ZNF777: variants seen among roughly 807,000 people sequenced by gnomAD.
ZNF777 encodes the protein zinc finger protein 777.
ZNF777 carries 7 observed loss-of-function variants against 72.1 expected under a neutral mutation model. The observed-to-expected ratio is 0.10, with a 90% CI of 0.06 to 0.18. ZNF777 has a LOEUF of 0.18. Among genes scored for constraint, ZNF777 ranks in the 10% least tolerant of loss-of-function variants. ZNF777 has a pLI of 1.00. For missense variants in ZNF777, 828 were observed against 1,128.6 expected (o/e 0.73, Z 3.82); for synonymous variants, 545 against 483.5 (o/e 1.13, Z -1.67).
chr7:149,455,402 C>G lies in ZNF777; in HGVS notation c.621G>C (p.Leu207=). The change falls in exon 2 of 6, where the codon CTG becomes CTC. Residue 207 remains leucine, a synonymous_variant. Transcript: ENST00000247930. This position sits in a 1 kb window ranked among gnomAD's most constrained non-coding sequence, Gnocchi z 4.2. ...RKLEAQAMRL[L]TLEGRTGTNE... The stretch of plus-strand genomic sequence containing the variant: ...TTGTCCCCGTCCTGCCTTCCAGGGT[C>G]AGTAGCCTCATGGCCTGGGCCTCCA... 2.5e-6 allele frequency: 4 copies of G among 1,614,226 alleles called. No individual in the cohort carries two copies. The highest frequency in any genetic ancestry group is 3.4e-6 in the Non-Finnish European group (4 of 1,180,050).
chr7:149,439,877 T>A (rs1038219659), intron 4 of ZNF777, among the ~76,000 whole-genome samples: 6 of 152,338 alleles, frequency 3.9e-5, no homozygotes, highest in African/African-American at 1.4e-4. Flanking sequence ...GTATCTCTTA[T>A]AAGGATGAAT....
intron 1 of ZNF777, chr7:149,459,637 C>A (rs1799905736): frequency 1.0e-6 from 1 of 985,198 alleles, no homozygotes; most frequent in South Asian, 4.7e-5. Context: ...GGGGCTGCCG[C>A]ACCGTGCCAC....
chr7:149,456,959 C>G (rs1799845920), intron 1 of ZNF777, among the ~76,000 whole-genome samples: 2 of 152,154 alleles, frequency 1.3e-5, no homozygotes, highest in African/African-American at 2.4e-5. Flanking sequence ...TAGGAGTGGG[C>G]AGCAGTCCAT....
At chr7:149,448,579 C>CTATATATATATATATATA (rs57860880) in intron 4 of ZNF777, among the ~76,000 whole-genome samples, 38 of 115,052 alleles carry the variant, frequency 3.3e-4, no homozygotes, top group East Asian at 6.6e-4. Context: ...ATACATATAA[C>CTATATATATATATATATA]TATATATATA....
At chr7:149,450,711 G>A (rs1465654922) in intron 4 of ZNF777, among the ~76,000 whole-genome samples, 1 of 152,202 alleles carries the variant, frequency 6.6e-6, no homozygotes, top group Admixed American at 6.5e-5. Context: ...TGCTTGACAA[G>A]GGACTGCCTT....
intron 1 of ZNF777, among the ~76,000 whole-genome samples, chr7:149,459,018 T>A (rs1430599976): frequency 1.3e-5 from 2 of 152,170 alleles, no homozygotes; most frequent in Non-Finnish European, 1.5e-5. Flanking sequence ...AGTCATGGCA[T>A]TTTTTTGAAT....
Position 149,455,775 on chromosome 7 carries a change from C to A in ZNF777, c.248G>T (p.Cys83Phe), listed in dbSNP as rs1420945848. ...HVLQKGPSLL[C>F]SAASEQETSL... ...AGTCTCTTGCTCAGAAGCGGCAGAA[C>A]ACAGGAGTGAGGGTCCCTTCTGGAG... Residue 83 changes from cysteine to phenylalanine, a missense_variant, in exon 2 of 6, where the codon TGT (cysteine) becomes TTT (phenylalanine). Around this residue, in one of 12 missense-constraint regions of ZNF777, gnomAD observed 222 missense variants for 211.2 expected, o/e 1.05. Transcript: ENST00000247930. This position sits in a 1 kb window ranked among gnomAD's most constrained non-coding sequence, Gnocchi z 4.2. The A allele has an allele frequency of 1.2e-6, 2 of 1,607,878 alleles. No homozygotes were observed. The highest frequency in any genetic ancestry group is 8.5e-7 in the Non-Finnish European group (1 of 1,176,722).
rs865993257 is a variant in ZNF777, at chr7:149,436,410, G to T, written c.1339+165C>A. Among the ~76,000 whole-genome samples the T allele has an allele frequency of 6.6e-6, 1 of 152,046 alleles. No homozygotes were observed. Among genetic ancestry groups the T allele is most frequent in the African/African-American group, 2.4e-5 (1 of 41,398 alleles). On this transcript the variant is annotated intron_variant, in intron 5 of 5. Transcript: ENST00000247930. The surrounding 1 kb of genome is among the most constrained non-coding windows in gnomAD (Gnocchi z 5.0). ...GGAGACGGATTCTTACAAGTCCCGC[G>T]TCACGGAGCCTATACTCGAGGCCGT... is the stretch of plus-strand genomic sequence containing the variant.
intron 4 of ZNF777, among the ~76,000 whole-genome samples, chr7:149,438,782 T>C (rs1482590111): frequency 6.6e-6 from 1 of 152,114 alleles, no homozygotes; most frequent in Non-Finnish European, 1.5e-5. Context: ...AGGCTGAAAA[T>C]GGGTGCTAGA....
rs368612041 is a variant in ZNF777, at chr7:149,431,774, G to A, written c.*2C>T. On this transcript the variant is annotated 3_prime_UTR_variant, in exon 6 of 6. Coordinates refer to ENST00000247930, the MANE Select transcript of ZNF777 (RefSeq NM_015694.3). ...GCCGGGCGGCGGCGGCGGGGCGCGC[G>A]CTCACTCGCCCGTGTGGGTCCGCAG... The A allele has an allele frequency of 1.1e-5, 17 of 1,567,482 alleles. No individual in the cohort carries two copies. Among genetic ancestry groups the A allele is most frequent in the African/African-American group, 9.5e-5 (7 of 73,570 alleles).
intron 1 of ZNF777, among the ~76,000 whole-genome samples, chr7:149,456,574 C>T (rs139668039): frequency 1.1e-3 from 168 of 152,236 alleles, no homozygotes; most frequent in Non-Finnish European, 2.1e-3. Context: ...CATCTCCCAG[C>T]AGGGGTGGGG....
rs1481871038 is a variant in ZNF777 at position 149,450,981 on chromosome 7, T to A, written c.1087+18A>T. On this transcript the variant is annotated intron_variant, in intron 4 of 5. Transcript: ENST00000247930. ...AAGATCTAGAATGCAGAGCTGCAGA[T>A]CACCCTTAGCCACTCACCAGCACTG... 1 of 1,602,892 alleles carries A rather than the reference T, an allele frequency of 6.2e-7. No homozygotes were observed. Among genetic ancestry groups the A allele is most frequent in the African/African-American group, 1.3e-5 (1 of 74,698 alleles).
intron 4 of ZNF777, among the ~76,000 whole-genome samples, chr7:149,443,909 A>C (rs555230815): frequency 4.6e-5 from 7 of 152,172 alleles, no homozygotes; most frequent in Non-Finnish European, 7.3e-5. Context: ...TTATTTTTTA[A>C]AAAGTTCTTT....
chr7:149,444,203 G>A (rs947375813), intron 4 of ZNF777, among the ~76,000 whole-genome samples: 2 of 152,152 alleles, frequency 1.3e-5, no homozygotes, highest in Non-Finnish European at 2.9e-5. Context: ...AAACTCTGTA[G>A]TATTCAGTGA....
intron 5 of ZNF777, 147 bp from the exon 6 acceptor site, chr7:149,433,079 G>T: frequency 7.9e-7 from 1 of 1,272,896 alleles, no homozygotes; most frequent in African/African-American, 1.5e-5. Context: ...CCCTCATTGC[G>T]TCCCCTGGTC....
chr7:149,446,993 C>T (rs919154828), intron 4 of ZNF777, among the ~76,000 whole-genome samples: 1 of 152,166 alleles, frequency 6.6e-6, no homozygotes, highest in Admixed American at 6.5e-5. Context: ...TCTAGAAATA[C>T]CCAACAAGGC....
chr7:149,460,737 G>A lies in ZNF777; in HGVS notation c.-16+78C>T, dbSNP rs1022411164. 6.6e-5 allele frequency: 10 copies of A among 152,326 alleles called. No individual in the cohort carries two copies. Among genetic ancestry groups the A allele is most frequent in the Non-Finnish European group, 1.3e-4 (9 of 68,188 alleles). 9.4% of individuals were successfully genotyped at this position (152,326 alleles called of 1,614,324 possible). A position where few individuals can be genotyped will look rare whatever the true frequency, so the allele number is the denominator to read the frequency against. Reference sequence around the variant, plus strand: ...CGCCCGGCGGCGACGGACACGCCCTGAGCCCGGGCCAGCCCGTCGTGGAGC... The same window carrying A: ...CGCCCGGCGGCGACGGACACGCCCTAAGCCCGGGCCAGCCCGTCGTGGAGC... On this transcript the variant is annotated intron_variant, in intron 1 of 5. Transcript: ENST00000247930. The surrounding 1 kb of genome is among the most constrained non-coding windows in gnomAD (Gnocchi z 6.1).
Position 149,432,189 on chromosome 7 carries a change from T to C in ZNF777, c.2083A>G (p.Ile695Val), listed in dbSNP as rs1563232232. The C allele has an allele frequency of 6.2e-7, 1 of 1,605,092 alleles. No homozygotes were observed. Among genetic ancestry groups the C allele is most frequent in the South Asian group, 1.1e-5 (1 of 91,054 alleles). Reference protein sequence around the residue: ...VHAGKHEVSFICSLCGKSFSR... With the variant: ...VHAGKHEVSFVCSLCGKSFSR... ...AAGCTCTTGCCGCACAGGCTGCAGA[T>C]GAAGGAGACCTCATGCTTGCCCGCG... is the stretch of plus-strand genomic sequence containing the variant. Residue 695 changes from isoleucine to valine, a missense_variant, in exon 6 of 6, where the codon ATC becomes GTC. Physicochemically the swap from Ile to Val is conservative, Grantham distance 29 (BLOSUM62 3). Transcript: ENST00000247930.
chr7:149,451,176 A>G (rs1047469604), intron 3 of ZNF777, 64 bp from the exon 4 acceptor site: 12 of 1,427,002 alleles, frequency 8.4e-6, no homozygotes, highest in Non-Finnish European at 1.2e-5. Context: ...TTGTTAAGGT[A>G]TCATCTGTGG....
Sources: gnomAD v4.1 joint callset for allele counts (sites outside exome capture counted in the v4.1 genomes callset) on GRCh38, gnomAD v4.1.1 for gene constraint, gnomAD v4.1.1 regional missense constraint, Gnocchi (gnomAD v3.1) non-coding constraint, MANE v1.5 for transcripts, NCBI Gene and HGNC (gene_info 2026-07-23, HGNC 2026-07-21) for gene names.